Variants in B3GALT6 observed in about 807,000 individuals in gnomAD.
B3GALT6 encodes GAG GalTII.
Under a neutral mutation model 23.3 loss-of-function variants are expected in B3GALT6, and 27 were observed. The observed-to-expected ratio is 1.16, with a 90% CI of 0.85 to 1.60. The LOEUF is 1.60. B3GALT6 is among the 40% of genes most tolerant of loss of function. The pLI, the probability that B3GALT6 is intolerant of heterozygous loss-of-function variation, is 0.00. For synonymous variants in B3GALT6, 313 were observed against 232.3 expected, an observed-to-expected ratio of 1.35 and a Z score of -3.16; for missense variants, 554 against 471.1, an observed-to-expected ratio of 1.18 and a Z score of -1.63.
At position 1,233,424 on chromosome 1, in the gene B3GALT6, G is replaced by T; in HGVS notation, c.*156G>T. On this transcript the variant is annotated 3_prime_UTR_variant, in exon 1 of 1. Transcript: ENST00000379198. ...GGTCTGCGTTTGGGAGACCCCTGGGGGTTGCCGGGGCAGCGCGCCGTGTCC... is the reference window on the plus strand; with the variant it reads ...GGTCTGCGTTTGGGAGACCCCTGGGTGTTGCCGGGGCAGCGCGCCGTGTCC... 1.9e-6 allele frequency: 2 copies of T among 1,032,818 alleles called. No individual in the cohort carries two copies. The highest frequency in any genetic ancestry group is 8.3e-5 in the Admixed American group (2 of 24,060). The allele number at this position is 1,032,818 out of a possible 1,614,324, so 64.0% of individuals were successfully genotyped here.
At position 1,232,965 on chromosome 1, in the gene B3GALT6, C is replaced by T. The variant is rs769070902; in HGVS notation, c.687C>T (p.Arg229=). ...CGGCCGACCTGGTGCACTACCTGCG[C>T]CTCAGCCGCGACTACCTGCGCGCCT... The part of the protein sequence containing the change: ...VLSADLVHYL[R]LSRDYLRAWH... Residue 229 remains arginine, a synonymous_variant, in exon 1 of 1, where the codon CGC becomes CGT. Transcript: ENST00000379198. 5.8e-5 allele frequency: 90 copies of T among 1,563,322 alleles called. No individual in the cohort carries two copies. The highest frequency in any genetic ancestry group is 7.2e-5 in the Non-Finnish European group (84 of 1,162,556).
At position 1,233,252 on chromosome 1, in the gene B3GALT6, G is replaced by A. The variant is rs553630663; in HGVS notation, c.974G>A (p.Arg325Lys). 2.7e-6 allele frequency: 4 copies of A among 1,476,586 alleles called. No homozygotes were observed. Among genetic ancestry groups the A allele is most frequent in the East Asian group, 5.3e-5 (2 of 37,750 alleles). The allele number at this position is 1,476,586 out of a possible 1,614,324, so 91.5% of individuals were successfully genotyped here. Residue 325 changes from arginine (R) to lysine (K), a missense_variant, in exon 1 of 1, where the codon AGG becomes AAG. Physicochemically the swap from Arg to Lys is conservative, Grantham distance 26 (BLOSUM62 2). Coordinates refer to ENST00000379198, the MANE Select transcript of B3GALT6 (RefSeq NM_080605.4). The stretch of plus-strand genomic sequence containing the variant: ...CCGCCCTCGCAGTGCTGCCAGAGAA[G>A]GGAGGGCATCCCCTGAGCCGCCGCG... ...SAPPSQCCQR[R>K]EGIP is the part of the protein sequence containing the mutation.
Position 1,232,932 on chromosome 1 carries a change from C to T in B3GALT6, c.654C>T (p.Tyr218=), listed in dbSNP as rs1437860490. 2.6e-6 allele frequency: 4 copies of T among 1,564,666 alleles called. No homozygotes were observed. Among genetic ancestry groups the T allele is most frequent in the Non-Finnish European group, 2.6e-6 (3 of 1,163,926 alleles). ...YYLPYALGGG[Y]VLSADLVHYL... ...TGCCCTACGCGCTGGGCGGCGGCTA[C>T]GTGCTCTCGGCCGACCTGGTGCACT... The change falls in exon 1 of 1, where the codon TAC becomes TAT. Residue 218 remains tyrosine, a synonymous_variant. Transcript: ENST00000379198.
Position 1,232,543 on chromosome 1 carries a change from G to T in B3GALT6, c.265G>T (p.Asp89Tyr). 2 of 1,163,386 alleles carry T rather than the reference G, an allele frequency of 1.7e-6. No homozygotes were observed. The highest frequency in any genetic ancestry group is 1.1e-6 in the Non-Finnish European group (1 of 944,594). The allele number at this position is 1,163,386 out of a possible 1,614,324, so 72.1% of individuals were successfully genotyped here. ...GCTTGCGCGGCGCGGGGCCCCGGGC[G>T]ACGTGTGGGCGCGCTTTGCCGTGGG... ...TWLARRGAPG[D>Y]VWARFAVGTA... The change falls in exon 1 of 1, where the codon GAC (aspartate) becomes TAC (tyrosine). Residue 89 changes from aspartate (D) to tyrosine (Y), a missense_variant. Physicochemically the swap from Asp to Tyr is radical, Grantham distance 160. Transcript: ENST00000379198.
At position 1,232,419 on chromosome 1, in the gene B3GALT6, G is replaced by T. The variant is rs1192778440; in HGVS notation, c.141G>T (p.Pro47=). 1.0e-6 allele frequency: 1 copy of T among 991,278 alleles called. No homozygotes were observed. Among genetic ancestry groups the T allele is most frequent in the Non-Finnish European group, 1.2e-6 (1 of 835,392 alleles). 61.4% of individuals were successfully genotyped at this position (991,278 alleles called of 1,614,324 possible). The part of the protein sequence containing the change: ...GDPRAMSGRS[P]PPPAPARAAA... ...CCAGGGCGATGTCGGGCCGCAGCCC[G>T]CCTCCCCCCGCGCCCGCGCGCGCCG... Residue 47 remains proline, a synonymous_variant, in exon 1 of 1, where the codon CCG becomes CCT. Coordinates refer to ENST00000379198, the MANE Select transcript of B3GALT6 (RefSeq NM_080605.4).
chr1:1,233,597 G>A lies in B3GALT6; in HGVS notation c.*329G>A, dbSNP rs1557527532. 6.9e-6 allele frequency: 2 copies of A among 291,404 alleles called. No homozygotes were observed. The highest frequency in any genetic ancestry group is 1.4e-5 in the Non-Finnish European group (2 of 148,076). 18.1% of individuals were successfully genotyped at this position (291,404 alleles called of 1,614,324 possible). A position where few individuals can be genotyped will look rare whatever the true frequency, so the allele number is the denominator to read the frequency against. The stretch of plus-strand genomic sequence containing the variant: ...TGGCGTTTCTCACGTCTGCGTCTCA[G>A]ATCTAACGTGGTTTCACATCAATCC... On this transcript the variant is annotated 3_prime_UTR_variant, in exon 1 of 1. Coordinates refer to ENST00000379198, the MANE Select transcript of B3GALT6 (RefSeq NM_080605.4).
Position 1,233,183 on chromosome 1 carries a change from G to T in B3GALT6, c.905G>T (p.Arg302Leu). Residue 302 changes from arginine to leucine, a missense_variant, in exon 1 of 1, where the codon CGC becomes CTC. By Grantham distance (102) the Arg-to-Leu change is moderately radical (BLOSUM62 -2). Transcript: ENST00000379198. ...GCGCGCGAGGGCCGCCTGTGCAAGC[G>T]CGAGGTGCAGCTGCGCCTGTCCTAC... ...TLAREGRLCK[R>L]EVQLRLSYVY... The T allele has an allele frequency of 5.2e-6, 8 of 1,543,304 alleles. No individual in the cohort carries two copies. Among genetic ancestry groups the T allele is most frequent in the Non-Finnish European group, 7.0e-6 (8 of 1,148,812 alleles).
rs2100994302 is a variant in B3GALT6 at position 1,232,915 on chromosome 1, G to T, written c.637G>T (p.Ala213Ser). Residue 213 changes from alanine (A) to serine (S), a missense_variant, in exon 1 of 1, where the codon GCG (alanine) becomes TCG (serine). Ala to Ser is a moderately conservative substitution (Grantham distance 99, BLOSUM62 1). Coordinates refer to ENST00000379198, the MANE Select transcript of B3GALT6 (RefSeq NM_080605.4). ...ACTCTGCGACTACTACCTGCCCTAC[G>T]CGCTGGGCGGCGGCTACGTGCTCTC... ...WQLCDYYLPYALGGGYVLSAD... is the reference protein window; with the variant it reads ...WQLCDYYLPYSLGGGYVLSAD... 6.4e-7 allele frequency: 1 copy of T among 1,566,224 alleles called. No individual in the cohort carries two copies. Among genetic ancestry groups the T allele is most frequent in the South Asian group, 1.2e-5 (1 of 86,742 alleles).
chr1:1,233,345 C>T lies in B3GALT6; in HGVS notation c.*77C>T. 2.2e-6 allele frequency: 3 copies of T among 1,370,988 alleles called. No homozygotes were observed. The highest frequency in any genetic ancestry group is 3.7e-5 in the Admixed American group (1 of 26,698). The allele number at this position is 1,370,988 out of a possible 1,614,324, so 84.9% of individuals were successfully genotyped here. A position where few individuals can be genotyped will look rare whatever the true frequency, so the allele number is the denominator to read the frequency against. ...GGGCAGGTGCCGAGCGGGCGCACTA[C>T]GCCCGGGCCCCAAGGCCCCCGTCCC... On this transcript the variant is annotated 3_prime_UTR_variant, in exon 1 of 1. Coordinates refer to ENST00000379198, the MANE Select transcript of B3GALT6 (RefSeq NM_080605.4).
rs145997634 is a variant in B3GALT6 at position 1,232,696 on chromosome 1, C to A, written c.418C>A (p.Leu140Met). ...ENLTAKVLAM[L>M]AWLDEHVAFE... ...CCTCACGGCCAAGGTGCTGGCCATG[C>A]TGGCCTGGCTGGACGAGCACGTGGC... Residue 140 changes from leucine to methionine, a missense_variant, in exon 1 of 1, where the codon CTG (leucine) becomes ATG (methionine). Coordinates refer to ENST00000379198, the MANE Select transcript of B3GALT6 (RefSeq NM_080605.4). 7.1e-7 allele frequency: 1 copy of A among 1,409,618 alleles called. No homozygotes were observed. The highest frequency in any genetic ancestry group is 1.5e-5 in the South Asian group (1 of 66,702). The allele number at this position is 1,409,618 out of a possible 1,614,324, so 87.3% of individuals were successfully genotyped here.
chr1:1,232,890 ACT>A lies in B3GALT6; in HGVS notation c.615_616del (p.Cys206ArgfsTer236), dbSNP rs1198645653. 3 of 1,554,844 alleles carry A rather than the reference ACT, an allele frequency of 1.9e-6. No individual in the cohort carries two copies. Among genetic ancestry groups the A allele is most frequent in the East Asian group, 2.4e-5 (1 of 41,016 alleles). On this transcript the variant is annotated frameshift_variant, in exon 1 of 1. Transcript: ENST00000379198. LOFTEE classifies it high-confidence loss of function. ...GGCGCTGGCGCGAGGCCGCCTGGCA[ACT>A]CTGCGACTACTACCTGCCCTACGCG... is the stretch of plus-strand genomic sequence containing the variant. ...GGRWREAAWQ[L>X]CDYYLPYALG...
chr1:1,235,028 C>T lies in B3GALT6; in HGVS notation c.*1760C>T, dbSNP rs956242187. 2 of 166,664 alleles carry T rather than the reference C, an allele frequency of 1.2e-5. No individual in the cohort carries two copies. Among genetic ancestry groups the T allele is most frequent in the Admixed American group, 6.5e-5 (1 of 15,288 alleles). 10.3% of individuals were successfully genotyped at this position (166,664 alleles called of 1,614,324 possible). A position where few individuals can be genotyped will look rare whatever the true frequency, so the allele number is the denominator to read the frequency against. On this transcript the variant is annotated 3_prime_UTR_variant, in exon 1 of 1. Coordinates refer to ENST00000379198, the MANE Select transcript of B3GALT6 (RefSeq NM_080605.4). ...TTTTTCAGCCTAAGACATTAAATTT[C>T]ATATCAGAACAAAGCCTGCCCCAGG... is the stretch of plus-strand genomic sequence containing the variant.
Position 1,232,539 on chromosome 1 carries a change from G to A in B3GALT6, c.261G>A (p.Pro87=), listed in dbSNP as rs1410126668. 24 of 1,157,042 alleles carry A rather than the reference G, an allele frequency of 2.1e-5. No individual in the cohort carries two copies. Among genetic ancestry groups the A allele is most frequent in the Non-Finnish European group, 2.4e-5 (23 of 940,738 alleles). 71.7% of individuals were successfully genotyped at this position (1,157,042 alleles called of 1,614,324 possible). The change falls in exon 1 of 1, where the codon CCG becomes CCA. Residue 87 remains proline (P), a synonymous_variant. Coordinates refer to ENST00000379198, the MANE Select transcript of B3GALT6 (RefSeq NM_080605.4). ...RSTWLARRGA[P]GDVWARFAVG... ...CGTGGCTTGCGCGGCGCGGGGCCCC[G>A]GGCGACGTGTGGGCGCGCTTTGCCG...
chr1:1,233,480 G>A lies in B3GALT6; in HGVS notation c.*212G>A, dbSNP rs2100995296. ...GAGGTGCCCGTTCCTGGACCTCAGC[G>A]AGCCTGAGCCGGGCCCGGCCGCACG... On this transcript the variant is annotated 3_prime_UTR_variant, in exon 1 of 1. Coordinates refer to ENST00000379198, the MANE Select transcript of B3GALT6 (RefSeq NM_080605.4). 1.7e-6 allele frequency: 1 copy of A among 592,872 alleles called. No individual in the cohort carries two copies. Among genetic ancestry groups the A allele is most frequent in the South Asian group, 4.2e-5 (1 of 23,940 alleles). The allele number at this position is 592,872 out of a possible 1,614,324, so 36.7% of individuals were successfully genotyped here. A position where few individuals can be genotyped will look rare whatever the true frequency, so the allele number is the denominator to read the frequency against.
rs1638568780 is a variant in B3GALT6, at chr1:1,233,100, G to A, written c.822G>A (p.Gln274=). The A allele has an allele frequency of 2.8e-5, 44 of 1,563,718 alleles. No homozygotes were observed. The highest frequency in any genetic ancestry group is 3.7e-5 in the Non-Finnish European group (43 of 1,159,124). ...TEYRSRGCSN[Q]YLVTHKQSLE... is the part of the protein sequence containing the mutation. ...ACCGGTCCCGCGGCTGCAGCAACCAGTACCTGGTGACGCACAAGCAGAGCC... is the reference window on the plus strand; with the variant it reads ...ACCGGTCCCGCGGCTGCAGCAACCAATACCTGGTGACGCACAAGCAGAGCC... Residue 274 remains glutamine, a synonymous_variant, in exon 1 of 1, where the codon CAG becomes CAA. Coordinates refer to ENST00000379198, the MANE Select transcript of B3GALT6 (RefSeq NM_080605.4).
Position 1,233,305 on chromosome 1 carries a change from C to A in B3GALT6, c.*37C>A. 1.4e-6 allele frequency: 2 copies of A among 1,402,986 alleles called. No homozygotes were observed. Among genetic ancestry groups the A allele is most frequent in the Non-Finnish European group, 1.8e-6 (2 of 1,086,176 alleles). The allele number at this position is 1,402,986 out of a possible 1,614,324, so 86.9% of individuals were successfully genotyped here. On this transcript the variant is annotated 3_prime_UTR_variant, in exon 1 of 1. Transcript: ENST00000379198. ...CCGGCCCTCCGGGACACCTGCTTCA[C>A]CCGGCGGCGCCTTGGGGCAGGTGCC... is the stretch of plus-strand genomic sequence containing the variant.
rs1338210054 is a variant in B3GALT6 at position 1,232,561 on chromosome 1, G to T, written c.283G>T (p.Ala95Ser). The change falls in exon 1 of 1, where the codon GCC (alanine) becomes TCC (serine). Residue 95 changes from alanine to serine, a missense_variant. Ala to Ser is a moderately conservative substitution (Grantham distance 99). Transcript: ENST00000379198. ...GAPGDVWARF[A>S]VGTAGLGAEE... Reference sequence around the variant, plus strand: ...CCCGGGCGACGTGTGGGCGCGCTTTGCCGTGGGCACGGCCGGCCTGGGCGC... The same window carrying T: ...CCCGGGCGACGTGTGGGCGCGCTTTTCCGTGGGCACGGCCGGCCTGGGCGC... 9.3e-6 allele frequency: 11 copies of T among 1,178,472 alleles called. No homozygotes were observed. The highest frequency in any genetic ancestry group is 7.3e-6 in the Non-Finnish European group (7 of 954,180). The allele number at this position is 1,178,472 out of a possible 1,614,324, so 73.0% of individuals were successfully genotyped here. A position where few individuals can be genotyped will look rare whatever the true frequency, so the allele number is the denominator to read the frequency against.
chr1:1,233,495 C>T lies in B3GALT6; in HGVS notation c.*227C>T. On this transcript the variant is annotated 3_prime_UTR_variant, in exon 1 of 1. Transcript: ENST00000379198. ...GGACCTCAGCGAGCCTGAGCCGGGCCCGGCCGCACGCTGACCCCCGTGCTG... is the reference window on the plus strand; with the variant it reads ...GGACCTCAGCGAGCCTGAGCCGGGCTCGGCCGCACGCTGACCCCCGTGCTG... The T allele has an allele frequency of 2.0e-6, 1 of 503,770 alleles. No individual in the cohort carries two copies. Among genetic ancestry groups the T allele is most frequent in the Non-Finnish European group, 3.3e-6 (1 of 302,520 alleles). 31.2% of individuals were successfully genotyped at this position (503,770 alleles called of 1,614,324 possible).
In B3GALT6 at chr1:1,232,416, C is replaced by T. The variant is rs190796582; in HGVS notation, c.138C>T (p.Ser46=). 0.12 allele frequency: 121,085 copies of T among 990,228 alleles called. 8,160 individuals carry two copies. The highest frequency in any genetic ancestry group is 0.26 in the African/African-American group (14,936 of 56,802). 61.3% of individuals were successfully genotyped at this position (990,228 alleles called of 1,614,324 possible). The part of the protein sequence containing the change: ...PGDPRAMSGR[S]PPPPAPARAA... Reference sequence around the variant, plus strand: ...ACCCCAGGGCGATGTCGGGCCGCAGCCCGCCTCCCCCCGCGCCCGCGCGCG... The same window carrying T: ...ACCCCAGGGCGATGTCGGGCCGCAGTCCGCCTCCCCCCGCGCCCGCGCGCG... The change falls in exon 1 of 1, where the codon AGC becomes AGT. Residue 46 remains serine (S), a synonymous_variant. Transcript: ENST00000379198.
Sources: gnomAD v4.1 joint callset for allele counts on GRCh38, gnomAD v4.1.1 for gene constraint, MANE v1.5 for transcripts, NCBI Gene and HGNC (gene_info 2026-07-23, HGNC 2026-07-21) for gene names.